The following ANKIB1 variants were observed in gnomAD, a reference collection of about 807,000 sequenced individuals.
ANKIB1 encodes ankyrin repeat and IBR domain containing 1, also known as ankyrin repeat and IBR domain-containing protein 1.
ANKIB1 carries 43 observed loss-of-function variants against 122.1 expected under a neutral mutation model. The ratio of observed to expected loss-of-function variants is 0.35; its 90% confidence interval spans 0.28 to 0.45. ANKIB1 has a LOEUF of 0.45. ANKIB1 is among the 20% of genes least tolerant of loss of function. ANKIB1 has a pLI of 1.00. For synonymous variants in ANKIB1, 390 were observed against 442.0 expected, an observed-to-expected ratio of 0.88 and a Z score of 1.48; for missense variants, 992 against 1,329.5, an observed-to-expected ratio of 0.75 and a Z score of 3.95.
At chr7:92,283,537 G>A (rs940606280) in intron 1 of ANKIB1, among the ~76,000 whole-genome samples, 27 of 152,138 alleles carry the variant, frequency 1.8e-4, no homozygotes, top group African/African-American at 6.3e-4. Flanking sequence ...CATACTTCCA[G>A]TATAAGGTCT....
At chr7:92,280,801 A>G (rs773010374) in intron 1 of ANKIB1, among the ~76,000 whole-genome samples, 27 of 152,220 alleles carry the variant, frequency 1.8e-4, no homozygotes, top group Non-Finnish European at 3.5e-4. Flanking sequence ...CTACTGTTTC[A>G]TATTATGAAT....
chr7:92,373,724 C>T (rs1236032546), intron 11 of ANKIB1, among the ~76,000 whole-genome samples: 2 of 152,156 alleles, frequency 1.3e-5, no homozygotes, highest in African/African-American at 4.8e-5. Context: ...ATTGGTAAAT[C>T]GTAACATACC....
At chr7:92,335,758 T>C (rs1050614160) in intron 5 of ANKIB1, among the ~76,000 whole-genome samples, 1 of 152,046 alleles carries the variant, frequency 6.6e-6, no homozygotes, top group African/African-American at 2.4e-5. Flanking sequence ...TCCATTTACA[T>C]TTAATGTAAT....
At chr7:92,361,113 C>T (rs1803935116) in intron 9 of ANKIB1, among the ~76,000 whole-genome samples, 1 of 152,136 alleles carries the variant, frequency 6.6e-6, no homozygotes, top group Non-Finnish European at 1.5e-5. Flanking sequence ...TTCCCTCCTC[C>T]GAATAATATT....
At chr7:92,334,723 C>G (rs1803250063) in intron 5 of ANKIB1, among the ~76,000 whole-genome samples, 2 of 151,832 alleles carry the variant, frequency 1.3e-5, no homozygotes, top group African/African-American at 4.8e-5. Context: ...GCTTAATCTA[C>G]ATATGATATT....
intron 3 of ANKIB1, 63 bp downstream of exon 3, chr7:92,307,719 G>C: frequency 8.3e-7 from 1 of 1,204,104 alleles, no homozygotes; most frequent in South Asian, 2.8e-5. Flanking sequence ...ATATGTAACT[G>C]TCAGGTTTTT....
chr7:92,313,226 G>A (rs914743193), intron 3 of ANKIB1, among the ~76,000 whole-genome samples: 2 of 152,062 alleles, frequency 1.3e-5, no homozygotes, highest in African/African-American at 4.8e-5. Context: ...TCAAATAGAG[G>A]TCACTATAAA....
At chr7:92,374,301 G>A (rs1251979750) in intron 11 of ANKIB1, among the ~76,000 whole-genome samples, 3 of 152,006 alleles carry the variant, frequency 2.0e-5, no homozygotes, top group Admixed American at 6.6e-5. Context: ...ACATAGTGAA[G>A]CCTCATCTCT....
chr7:92,386,936 T>TA (rs1310962101), intron 12 of ANKIB1, among the ~76,000 whole-genome samples: 4 of 152,158 alleles, frequency 2.6e-5, no homozygotes, highest in Non-Finnish European at 5.9e-5. Context: ...AGTATTACAT[T>TA]ATACTGTACA....
intron 5 of ANKIB1, among the ~76,000 whole-genome samples, chr7:92,330,122 C>G (rs1023251091): frequency 6.6e-6 from 1 of 152,190 alleles, no homozygotes; most frequent in Non-Finnish European, 1.5e-5. Flanking sequence ...TTCTAGGAAA[C>G]CTTTCCTGAG....
chr7:92,359,826 T>G (rs555218942), intron 9 of ANKIB1, among the ~76,000 whole-genome samples: 5 of 152,278 alleles, frequency 3.3e-5, no homozygotes, highest in African/African-American at 1.2e-4. Context: ...AGAGTGGTAA[T>G]AGCACACTAT....
intron 1 of ANKIB1, among the ~76,000 whole-genome samples, chr7:92,258,023 C>CT (rs1188027241): frequency 1.6e-4 from 25 of 152,204 alleles, no homozygotes; most frequent in South Asian, 1.2e-3. Context: ...TGAAATGTGA[C>CT]TTGACATGAT....
chr7:92,267,140 A>T (rs1466903589), intron 1 of ANKIB1, among the ~76,000 whole-genome samples: 1 of 152,216 alleles, frequency 6.6e-6, no homozygotes, highest in Non-Finnish European at 1.5e-5. Context: ...AAGAAGATTT[A>T]CTGTTAGGTA....
chr7:92,330,026 G>C (rs1187531433), intron 5 of ANKIB1, among the ~76,000 whole-genome samples: 1 of 152,158 alleles, frequency 6.6e-6, no homozygotes, highest in South Asian at 2.1e-4. Context: ...ATTTTTGGTA[G>C]ACTTTATGAC....
At chr7:92,352,367 A>G in intron 8 of ANKIB1, 109 bp from the exon 9 acceptor site, 1 of 1,158,230 alleles carries the variant, frequency 8.6e-7, no homozygotes, top group Non-Finnish European at 1.2e-6. Flanking sequence ...ATTTTATTTC[A>G]CTCTTTTTCT....
intron 1 of ANKIB1, among the ~76,000 whole-genome samples, chr7:92,268,320 G>A (rs893704039): frequency 2.6e-5 from 4 of 152,152 alleles, no homozygotes; most frequent in Non-Finnish European, 4.4e-5. Flanking sequence ...TGATGGAACC[G>A]CTGTCAGGTA....
chr7:92,246,674 C>T (rs190836017), intron 1 of ANKIB1, among the ~76,000 whole-genome samples, 155 bp downstream of exon 1: 2 of 152,352 alleles, frequency 1.3e-5, no homozygotes, highest in East Asian at 1.9e-4. Context: ...GTCCCCATCC[C>T]TGAACAGGCA....
chr7:92,372,553 A>G (rs968043552), intron 11 of ANKIB1, among the ~76,000 whole-genome samples: 1 of 152,176 alleles, frequency 6.6e-6, no homozygotes, highest in Non-Finnish European at 1.5e-5. Flanking sequence ...AAAACCTTCA[A>G]TTAAATAAGT....
In ANKIB1 at chr7:92,397,848, G is replaced by A. The variant is rs749307315; in HGVS notation, c.2521G>A (p.Asp841Asn). Residue 841 changes from aspartate to asparagine, a missense_variant, in exon 19 of 20, where the codon GAC becomes AAC. Around this residue, in one of 4 missense-constraint regions of ANKIB1, gnomAD observed 384 missense variants for 412.0 expected, o/e 0.93. Coordinates refer to ENST00000265742, the MANE Select transcript of ANKIB1 (RefSeq NM_019004.2). ...YTPASRSENQ[D>N]SLQALSSLDE... ...CCCTGCCAGTCGCTCTGAAAACCAG[G>A]ACTCTCTTCAGGTAGCCTTTCTGAA... is the stretch of plus-strand genomic sequence containing the variant. 11 of 1,607,480 alleles carry A rather than the reference G, an allele frequency of 6.8e-6. No homozygotes were observed. The highest frequency in any genetic ancestry group is 1.7e-5 in the Admixed American group (1 of 58,662).
Sources: allele counts gnomAD v4.1 joint callset (sites outside exome capture counted in the v4.1 genomes callset), GRCh38; gene constraint gnomAD v4.1.1; regional missense constraint gnomAD v4.1.1; transcripts MANE v1.5; gene names NCBI Gene and HGNC (gene_info 2026-07-23, HGNC 2026-07-21).